SLC6A7: variants seen among roughly 807,000 people sequenced by gnomAD.
The protein encoded by SLC6A7 is solute carrier family 6 member 7.
Under a neutral mutation model 73.1 loss-of-function variants are expected in SLC6A7, and 58 were observed. That is an observed-to-expected ratio of 0.79 (90% CI 0.64 to 0.99). The LOEUF (loss-of-function observed/expected upper bound fraction) is 0.99, where lower values mean the gene tolerates loss of function less well. Among genes scored for constraint, SLC6A7 ranks in the 50% least tolerant of loss-of-function variants. The pLI, the probability that SLC6A7 is intolerant of heterozygous loss-of-function variation, is 0.00. For missense variants in SLC6A7, 783 were observed against 831.4 expected, an observed-to-expected ratio of 0.94 and a Z score of 0.72; for synonymous variants, 338 against 338.7, an observed-to-expected ratio of 1.00 and a Z score of 0.02.
intron 8 of SLC6A7, among the ~76,000 whole-genome samples, chr5:150,202,993 G>C (rs538888586): frequency 2.0e-5 from 3 of 152,004 alleles, no homozygotes; most frequent in African/African-American, 7.2e-5. Flanking sequence ...AGAATCGCTT[G>C]AACCCGGGAG....
intron 1 of SLC6A7, among the ~76,000 whole-genome samples, chr5:150,193,729 T>C (rs756590250): frequency 6.6e-6 from 1 of 152,184 alleles, no homozygotes; most frequent in Non-Finnish European, 1.5e-5. Context: ...TCACCTCTTT[T>C]CCTGAACACC....
At position 150,201,286 on chromosome 5, in the gene SLC6A7, G is replaced by GGCTCCCTGGGACACCGCAGTACCA. The variant is rs1419573682; in HGVS notation, c.858+65_858+88dup. 1.2e-4 allele frequency: 165 copies of GGCTCCCTGGGACACCGCAGTACCA among 1,390,560 alleles called. 1 individual carries two copies. The highest frequency in any genetic ancestry group is 3.2e-4 in the Admixed American group (14 of 43,648). The allele number at this position is 1,390,560 out of a possible 1,614,324, so 86.1% of individuals were successfully genotyped here. On this transcript the variant is annotated intron_variant, in intron 6 of 13. Transcript: ENST00000230671. Reference sequence around the variant, plus strand: ...GGCCTGAGCTGGAGAGTGGAAAGAGGGCTCCCTGGGACACCGCAGTACCAG... The same window carrying GGCTCCCTGGGACACCGCAGTACCA: ...GGCCTGAGCTGGAGAGTGGAAAGAGGGCTCCCTGGGACACCGCAGTACCAGCTCCCTGGGACACCGCAGTACCAG...
chr5:150,202,975 G>A (rs1361647390), intron 8 of SLC6A7, among the ~76,000 whole-genome samples: 1 of 152,066 alleles, frequency 6.6e-6, no homozygotes, highest in African/African-American at 2.4e-5. Context: ...TCAGGAGGCT[G>A]AGGCAGGAGA....
intron 13 of SLC6A7, among the ~76,000 whole-genome samples, chr5:150,206,653 G>A (rs1399978344): frequency 6.6e-6 from 1 of 152,208 alleles, no homozygotes; most frequent in Non-Finnish European, 1.5e-5. Flanking sequence ...AGACCACAGG[G>A]GCACCCTGGA....
rs1023288591 is a variant in SLC6A7, at chr5:150,190,344, G to A, written c.17G>A (p.Gly6Glu). 2 of 1,508,182 alleles carry A rather than the reference G, an allele frequency of 1.3e-6. No homozygotes were observed. The highest frequency in any genetic ancestry group is 2.2e-5 in the Admixed American group (1 of 44,586). 93.4% of individuals were successfully genotyped at this position (1,508,182 alleles called of 1,614,324 possible). A position where few individuals can be genotyped will look rare whatever the true frequency, so the allele number is the denominator to read the frequency against. The change falls in exon 1 of 14, where the codon GGA becomes GAA. Residue 6 changes from glycine (G) to glutamate (E), a missense_variant. Gly to Glu is a moderately conservative substitution (Grantham distance 98). Transcript: ENST00000230671. The part of the protein sequence containing the change: MKKLQ[G>E]AHLRKPVTPD... ...CTCTCCAAGATGAAGAAGCTCCAGG[G>A]AGCTCACCTCCGCAAGGTAGGGCAC...
chr5:150,201,885 C>T (rs1562092573), intron 6 of SLC6A7, among the ~76,000 whole-genome samples: 1 of 152,174 alleles, frequency 6.6e-6, no homozygotes, highest in Non-Finnish European at 1.5e-5. Flanking sequence ...AGGCACTATT[C>T]CTATCCCCTC....
At chr5:150,200,336 T>C (rs1753306799) in intron 5 of SLC6A7, among the ~76,000 whole-genome samples, 1 of 151,962 alleles carries the variant, frequency 6.6e-6, no homozygotes. Flanking sequence ...CTACTAAAAA[T>C]ACAAAAATTA....
intron 6 of SLC6A7, among the ~76,000 whole-genome samples, chr5:150,202,024 A>G (rs1753408662): frequency 1.3e-5 from 2 of 152,192 alleles, no homozygotes; most frequent in South Asian, 2.1e-4. Context: ...GGGGTTATGC[A>G]GGCTTACTGC....
intron 4 of SLC6A7, among the ~76,000 whole-genome samples, chr5:150,198,877 A>G (rs1449583300): frequency 1.4e-5 from 2 of 148,068 alleles, no homozygotes; most frequent in Non-Finnish European, 3.0e-5. Flanking sequence ...GTACACATGT[A>G]TATGCAAATA....
In SLC6A7 at chr5:150,209,407, G is replaced by A. The variant is rs745335305; in HGVS notation, c.1703G>A (p.Arg568Gln). 55 of 1,612,910 alleles carry A rather than the reference G, an allele frequency of 3.4e-5. No homozygotes were observed. Among genetic ancestry groups the A allele is most frequent in the Middle Eastern group, 1.8e-4 (1 of 5,520 alleles). Residue 568 changes from arginine (R) to glutamine (Q), a missense_variant and splice_region_variant, in exon 14 of 14, where the codon CGG becomes CAG. By Grantham distance (43) the Arg-to-Gln change is conservative. Coordinates refer to ENST00000230671, the MANE Select transcript of SLC6A7 (RefSeq NM_014228.5). ...ACTGCTCTCGTTGCTTTGCTGCAGC[G>A]GCTCCAACAGGCCAGCCGGCCGGCC... The part of the protein sequence containing the change: ...VLREEGSLWE[R>Q]LQQASRPAMD...
Position 150,197,873 on chromosome 5 carries a change from A to G in SLC6A7, c.584+597A>G, listed in dbSNP as rs538262077. 2.0e-5 allele frequency among the ~76,000 whole-genome samples: 3 copies of G among 152,298 alleles called. No individual in the cohort carries two copies. The East Asian group carries it at 5.8e-4, about 29-fold the overall frequency. On this transcript the variant is annotated intron_variant, in intron 4 of 13. Transcript: ENST00000230671. ...GACTATAATAGAGTAAGGGACTGTCATCAGAATTAAACAACATAATGCAGG... is the reference window on the plus strand; with the variant it reads ...GACTATAATAGAGTAAGGGACTGTCGTCAGAATTAAACAACATAATGCAGG...
At chr5:150,206,468 G>A (rs1244297934) in intron 13 of SLC6A7, among the ~76,000 whole-genome samples, 3 of 152,198 alleles carry the variant, frequency 2.0e-5, no homozygotes, top group African/African-American at 7.2e-5. Flanking sequence ...ACAGAAAATG[G>A]CTACAAAGCG....
At position 150,209,688 on chromosome 5, in the gene SLC6A7, C is replaced by A; in HGVS notation, c.*73C>A. 1 of 1,237,594 alleles carries A rather than the reference C, an allele frequency of 8.1e-7. No homozygotes were observed. The highest frequency in any genetic ancestry group is 1.2e-6 in the Non-Finnish European group (1 of 867,812). The allele number at this position is 1,237,594 out of a possible 1,614,324, so 76.7% of individuals were successfully genotyped here. A position where few individuals can be genotyped will look rare whatever the true frequency, so the allele number is the denominator to read the frequency against. On this transcript the variant is annotated 3_prime_UTR_variant, in exon 14 of 14. Coordinates refer to ENST00000230671, the MANE Select transcript of SLC6A7 (RefSeq NM_014228.5). ...CTTCTTAGAAGCCTGCAAAGGTCAG[C>A]TGTGCCCTCTGGGATTCTGAGAGGC...
intron 3 of SLC6A7, 85 bp downstream of exon 3, chr5:150,196,932 C>G (rs917861517): frequency 1.3e-6 from 2 of 1,540,002 alleles, no homozygotes; most frequent in Non-Finnish European, 1.8e-6. Context: ...CTGCCAGCTC[C>G]AGGCAGAGGT....
At position 150,210,027 on chromosome 5, in the gene SLC6A7, G is replaced by T. The variant is rs528901671; in HGVS notation, c.*412G>T. The T allele has an allele frequency of 6.6e-4, 146 of 220,222 alleles. 3 individuals carry two copies. Among genetic ancestry groups the T allele is most frequent in the Non-Finnish European group, 4.6e-5 (5 of 108,148 alleles). 13.6% of individuals were successfully genotyped at this position (220,222 alleles called of 1,614,324 possible). On this transcript the variant is annotated 3_prime_UTR_variant, in exon 14 of 14. Coordinates refer to ENST00000230671, the MANE Select transcript of SLC6A7 (RefSeq NM_014228.5). Reference sequence around the variant, plus strand: ...TCAGGGCCTACACCCCTCCCTTTTTGGGGGGAGCCTGTCCCCACACACCTT... The same window carrying T: ...TCAGGGCCTACACCCCTCCCTTTTTTGGGGGAGCCTGTCCCCACACACCTT...
At chr5:150,206,948 A>G (rs954695326) in intron 13 of SLC6A7, among the ~76,000 whole-genome samples, 2 of 152,100 alleles carry the variant, frequency 1.3e-5, no homozygotes, top group Non-Finnish European at 2.9e-5. Flanking sequence ...TGGAAGGGGC[A>G]TGTTTTGGGG....
At position 150,204,815 on chromosome 5, in the gene SLC6A7, T is replaced by G; in HGVS notation, c.1433-12T>G. On this transcript the variant is annotated splice_polypyrimidine_tract_variant and intron_variant, in intron 11 of 13. Coordinates refer to ENST00000230671, the MANE Select transcript of SLC6A7 (RefSeq NM_014228.5). ...GCGGGTGGGGCCATTCCTCCTCCCC[T>G]CCCCTGTGCAGGCATTCAGAGGTTC... 1.9e-6 allele frequency: 3 copies of G among 1,585,302 alleles called. No individual in the cohort carries two copies. Among genetic ancestry groups the G allele is most frequent in the Non-Finnish European group, 2.6e-6 (3 of 1,154,354 alleles).
chr5:150,204,983 G>A (rs1194471737), intron 12 of SLC6A7, 56 bp downstream of exon 12: 14 of 1,142,828 alleles, frequency 1.2e-5, no homozygotes, highest in Non-Finnish European at 1.8e-5. Flanking sequence ...GAAAGCGGGA[G>A]TCCCCTCTGC....
rs200055186 is a variant in SLC6A7 at position 150,196,730 on chromosome 5, C to A, written c.232C>A (p.Pro78Thr). 1 of 1,613,698 alleles carries A rather than the reference C, an allele frequency of 6.2e-7. No homozygotes were observed. The highest frequency in any genetic ancestry group is 8.5e-7 in the Non-Finnish European group (1 of 1,179,736). ...GCTCCCGGCAGGCGCCTTCCTCGTG[C>A]CCTACTTCCTCATGCTGGCCATCTG... ...YTNGGGAFLV[P>T]YFLMLAICGI... Residue 78 changes from proline to threonine, a missense_variant, in exon 3 of 14, where the codon CCC becomes ACC. Physicochemically the swap from Pro to Thr is conservative, Grantham distance 38. Transcript: ENST00000230671.
Sources: allele counts gnomAD v4.1 joint callset (sites outside exome capture counted in the v4.1 genomes callset), GRCh38; gene constraint gnomAD v4.1.1; transcripts MANE v1.5; gene names NCBI Gene and HGNC (gene_info 2026-07-23, HGNC 2026-07-21).